The following AREL1 variants were observed in gnomAD, a reference collection of about 807,000 sequenced individuals.
AREL1 encodes apoptosis-resistant E3 ubiquitin protein ligase 1.
AREL1 carries 62 observed loss-of-function variants against 99.0 expected under a neutral mutation model. That is an observed-to-expected ratio of 0.63 (90% CI 0.51 to 0.77). AREL1 has a LOEUF of 0.77. AREL1 is among the 30% of genes least tolerant of loss of function. AREL1 has a pLI of 0.00. For missense variants in AREL1, 879 were observed against 1,027.6 expected, an observed-to-expected ratio of 0.86 and a Z score of 1.98; for synonymous variants, 380 against 376.5, an observed-to-expected ratio of 1.01 and a Z score of -0.11.
At chr14:74,712,277 T>G (rs2090326864) in intron 1 of AREL1, among the ~76,000 whole-genome samples, 1 of 152,030 alleles carries the variant, frequency 6.6e-6, no homozygotes, top group African/African-American at 2.4e-5. Flanking sequence ...GGTTTTCATT[T>G]AAAGTTTACA....
In AREL1 at chr14:74,670,085, T is replaced by A. The variant is rs1412309301; in HGVS notation, c.1650A>T (p.Lys550Asn). 6.2e-7 allele frequency: 1 copy of A among 1,613,470 alleles called. No homozygotes were observed. Among genetic ancestry groups the A allele is most frequent in the Non-Finnish European group, 8.5e-7 (1 of 1,179,564 alleles). ...CGAGCCGTCCCGCAAACTCATACATTTTCAGGCGCAGATGAGCGGGGCGAT... is the reference window on the plus strand; with the variant it reads ...CGAGCCGTCCCGCAAACTCATACATATTCAGGCGCAGATGAGCGGGGCGAT... ...NPNRPAHLRL[K>N]MYEFAGRLVG... Residue 550 changes from lysine to asparagine, a missense_variant, in exon 14 of 20, where the codon AAA becomes AAT. Lys to Asn is a moderately conservative substitution (Grantham distance 94, BLOSUM62 0). Transcript: ENST00000356357.
Position 74,670,830 on chromosome 14 carries a change from T to C in AREL1, c.1540A>G (p.Ile514Val), listed in dbSNP as rs113140862. 104 of 1,614,184 alleles carry C rather than the reference T, an allele frequency of 6.4e-5. 1 individual carries two copies. The African/African-American group carries it at 7.7e-4, about 12-fold the overall frequency. Residue 514 changes from isoleucine (I) to valine (V), a missense_variant, in exon 13 of 20, where the codon ATC (isoleucine) becomes GTC (valine). Physicochemically the swap from Ile to Val is conservative, Grantham distance 29. Coordinates refer to ENST00000356357, the MANE Select transcript of AREL1 (RefSeq NM_001039479.2). ...GTGGTATCAAATAGTGCTTTGCAGA[T>C]TAGCTCAAACCATTCCCGGCGAGGC... ...GGPRREWFEL[I>V]CKALFDTTNQ... is the part of the protein sequence containing the mutation.
At chr14:74,665,032 CA>C (rs2089182198) in intron 17 of AREL1, 107 bp from the exon 18 acceptor site, 1 of 831,666 alleles carries the variant, frequency 1.2e-6, no homozygotes, top group African/African-American at 1.7e-5. Context: ...AAAACATTAC[CA>C]GGAAAAAGAC....
intron 1 of AREL1, among the ~76,000 whole-genome samples, chr14:74,700,322 T>C (rs1310770307): frequency 6.6e-6 from 1 of 152,336 alleles, no homozygotes; most frequent in East Asian, 1.9e-4. Context: ...GACTTGCCTA[T>C]AGCCATCTAG....
At position 74,669,960 on chromosome 14, in the gene AREL1, C is replaced by G; in HGVS notation, c.1775G>C (p.Arg592Pro). 1 of 1,610,852 alleles carries G rather than the reference C, an allele frequency of 6.2e-7. No homozygotes were observed. Among genetic ancestry groups the G allele is most frequent in the Non-Finnish European group, 8.5e-7 (1 of 1,178,350 alleles). The change falls in exon 14 of 20, where the codon CGT (arginine) becomes CCT (proline). Residue 592 changes from arginine to proline, a missense_variant. Coordinates refer to ENST00000356357, the MANE Select transcript of AREL1 (RefSeq NM_001039479.2). ...RSFLAQIIGL[R>P]MHYKYFETDD... ...CCAAGATGTTACCTTGTAATGCATA[C>G]GCAGTCCTATGATTTGGGCCAGGAA... is the stretch of plus-strand genomic sequence containing the variant.
At position 74,662,109 on chromosome 14, in the gene AREL1, C is replaced by T. The variant is rs576114301; in HGVS notation, c.*1611G>A. On this transcript the variant is annotated 3_prime_UTR_variant, in exon 20 of 20. Transcript: ENST00000356357. ...CATGGAGGATCCTGGGGTATAGAGA[C>T]CCTGATGCTGGATCCCGGACCCCAA... The T allele has an allele frequency of 6.5e-6, 1 of 153,518 alleles. No homozygotes were observed. The highest frequency in any genetic ancestry group is 2.1e-4 in the South Asian group (1 of 4,830). 9.5% of individuals were successfully genotyped at this position (153,518 alleles called of 1,614,324 possible).
chr14:74,672,373 TTATAAG>T (rs1174804335), intron 11 of AREL1, among the ~76,000 whole-genome samples: 19 of 152,080 alleles, frequency 1.2e-4, no homozygotes, highest in East Asian at 6.0e-4. Context: ...TATCTGTCTT[TTATAAG>T]TATATCTGTC....
At chr14:74,695,962 A>G (rs567840531) in intron 1 of AREL1, among the ~76,000 whole-genome samples, 1 of 152,346 alleles carries the variant, frequency 6.6e-6, no homozygotes, top group African/African-American at 2.4e-5. Context: ...CTGGTCTCCT[A>G]GACCATGCTT....
intron 5 of AREL1, among the ~76,000 whole-genome samples, chr14:74,681,881 G>T (rs2089637941): frequency 6.6e-6 from 1 of 151,956 alleles, no homozygotes; most frequent in South Asian, 2.1e-4. Context: ...TACCTTGACT[G>T]TATCAATGTC....
chr14:74,674,512 G>A (rs780812919), intron 8 of AREL1, among the ~76,000 whole-genome samples: 45 of 152,198 alleles, frequency 3.0e-4, no homozygotes, highest in Non-Finnish European at 4.6e-4. Context: ...TGAGGCACAA[G>A]AATCGCTTGA....
intron 1 of AREL1, among the ~76,000 whole-genome samples, chr14:74,692,718 T>C (rs761850036): frequency 3.3e-5 from 5 of 152,092 alleles, no homozygotes; most frequent in African/African-American, 4.8e-5. Context: ...TTGTTTTTGT[T>C]TTTGAGACAG....
chr14:74,665,045 GA>G, intron 17 of AREL1, 120 bp from the exon 18 acceptor site: 1 of 716,970 alleles, frequency 1.4e-6, no homozygotes, highest in Non-Finnish European at 2.3e-6. Flanking sequence ...GAAAAAGACA[GA>G]AGGTGAGGTC....
chr14:74,682,942 T>C (rs2089663732), intron 5 of AREL1, among the ~76,000 whole-genome samples: 1 of 152,192 alleles, frequency 6.6e-6, no homozygotes, highest in African/African-American at 2.4e-5. Flanking sequence ...AAACCTCTTT[T>C]CTTTATAAAT....
Position 74,667,342 on chromosome 14 carries a change from TAGCC to T in AREL1, c.2076_2079del (p.Ala693PhefsTer10). Reference sequence around the variant, plus strand: ...ACCTCAAGCTCATTCTCATCAAAAATAGCCAAAAGGTTCTCAGGGACCAATTCAT... The same window carrying T: ...ACCTCAAGCTCATTCTCATCAAAAATAAAAGGTTCTCAGGGACCAATTCAT... On this transcript the variant is annotated frameshift_variant, in exon 17 of 20. Transcript: ENST00000356357. LOFTEE classifies it high-confidence loss of function. The T allele has an allele frequency of 6.2e-7, 1 of 1,614,104 alleles. No homozygotes were observed. Among genetic ancestry groups the T allele is most frequent in the Non-Finnish European group, 8.5e-7 (1 of 1,179,996 alleles).
At chr14:74,712,447 TAGC>T (rs929963301) in intron 1 of AREL1, among the ~76,000 whole-genome samples, 4 of 152,174 alleles carry the variant, frequency 2.6e-5, no homozygotes, top group African/African-American at 9.7e-5. Context: ...CTGGAATACA[TAGC>T]AGGTACTCAA....
intron 2 of AREL1, among the ~76,000 whole-genome samples, chr14:74,690,599 C>T (rs1362397301): frequency 6.6e-6 from 1 of 152,164 alleles, no homozygotes; most frequent in Non-Finnish European, 1.5e-5. Context: ...CTACTTTTTG[C>T]TATTCATAAT....
At chr14:74,712,047 A>AAAAAAAAAAAAAAAAAAAAAG (rs1302497210) in intron 1 of AREL1, 1 of 78,100 alleles carries the variant, frequency 1.3e-5, no homozygotes, top group Non-Finnish European at 2.9e-5. Context: ...GCAAAAAAAA[A>AAAAAAAAAAAAAAAAAAAAAG]AAAAAAAAAA....
At chr14:74,666,498 G>A (rs2089211987) in intron 17 of AREL1, among the ~76,000 whole-genome samples, 1 of 152,110 alleles carries the variant, frequency 6.6e-6, no homozygotes, top group Non-Finnish European at 1.5e-5. Flanking sequence ...TACTGTTTTG[G>A]TCTAATGCTT....
chr14:74,664,250 G>A (rs1200936316), intron 18 of AREL1, among the ~76,000 whole-genome samples, 176 bp from the exon 19 acceptor site: 1 of 152,148 alleles, frequency 6.6e-6, no homozygotes, highest in Non-Finnish European at 1.5e-5. Flanking sequence ...ACATGATTAG[G>A]AGGGTAGTCA....
Sources: allele counts gnomAD v4.1 joint callset (sites outside exome capture counted in the v4.1 genomes callset), GRCh38; gene constraint gnomAD v4.1.1; transcripts MANE v1.5; gene names NCBI Gene and HGNC (gene_info 2026-07-23, HGNC 2026-07-21).